SLC24A2: variants seen among roughly 807,000 people sequenced by gnomAD.
SLC24A2 encodes solute carrier family 24 member 2.
Under a neutral mutation model 62.0 loss-of-function variants are expected in SLC24A2, and 36 were observed. The ratio of observed to expected loss-of-function variants is 0.58; its 90% CI spans 0.44 to 0.77. The LOEUF (loss-of-function observed/expected upper bound fraction) is 0.77, where lower values mean the gene tolerates loss of function less well. Among genes scored for constraint, SLC24A2 ranks in the 30% least tolerant of loss-of-function variants. The probability of loss-of-function intolerance (pLI) is 0.00; values close to 1 mark genes in which losing one functional copy is unlikely to be tolerated. For missense variants in SLC24A2, 846 were observed against 817.9 expected, an observed-to-expected ratio of 1.03 and a Z score of -0.42; for synonymous variants, 358 against 294.0, an observed-to-expected ratio of 1.22 and a Z score of -2.23.
the SLC24A2 span, among the ~76,000 whole-genome samples, chr9:20,106,179 C>T: frequency 1.3e-5 from 2 of 152,210 alleles, no homozygotes; most frequent in Non-Finnish European, 2.9e-5. Flanking sequence ...AGACCAATAA[C>T]AGGATCTGAA....
the SLC24A2 span, among the ~76,000 whole-genome samples, chr9:20,145,901 A>G: frequency 6.7e-6 from 1 of 150,268 alleles, no homozygotes; most frequent in African/African-American, 2.4e-5. Flanking sequence ...TTGTTTTTAT[A>G]ATATAATTTG....
chr9:19,551,728 G>C (rs536685146), intron 7 of SLC24A2, among the ~76,000 whole-genome samples: 1 of 152,312 alleles, frequency 6.6e-6, no homozygotes, highest in African/African-American at 2.4e-5. Context: ...GCAGGCTCAG[G>C]TCAGCTGGCC....
chr9:20,193,803 T>C, the SLC24A2 span, among the ~76,000 whole-genome samples: 148 of 152,284 alleles, frequency 9.7e-4, no homozygotes, highest in African/African-American at 3.5e-3. Context: ...ATGACTTATC[T>C]ACAGAAGTCC....
At chr9:19,558,261 T>C (rs1835200977) in intron 7 of SLC24A2, among the ~76,000 whole-genome samples, 2 of 152,206 alleles carry the variant, frequency 1.3e-5, no homozygotes, top group Admixed American at 1.3e-4. Flanking sequence ...TCTTCTCTCC[T>C]TTAGCTTACT....
At chr9:20,219,582 G>A in the SLC24A2 span, among the ~76,000 whole-genome samples, 10 of 152,152 alleles carry the variant, frequency 6.6e-5, no homozygotes, top group African/African-American at 1.7e-4. Flanking sequence ...TAGTGCCTTC[G>A]TTGGTAGATT....
chr9:20,145,262 G>A, the SLC24A2 span, among the ~76,000 whole-genome samples: 1 of 151,998 alleles, frequency 6.6e-6, no homozygotes, highest in Non-Finnish European at 1.5e-5. Context: ...TTTAAAAGTG[G>A]GCTCGTTGCT....
At chr9:20,172,246 A>G in the SLC24A2 span, among the ~76,000 whole-genome samples, 4 of 152,000 alleles carry the variant, frequency 2.6e-5, no homozygotes, top group South Asian at 8.3e-4. Context: ...GCCTACATCA[A>G]AAAGTCTGAA....
the SLC24A2 span, among the ~76,000 whole-genome samples, chr9:20,047,570 A>T: frequency 2.8e-5 from 4 of 141,736 alleles, no homozygotes; most frequent in Non-Finnish European, 4.7e-5. Flanking sequence ...GCAATGGAAG[A>T]TGGCCCTCCA....
At chr9:20,233,501 G>T in the SLC24A2 span, among the ~76,000 whole-genome samples, 1 of 152,102 alleles carries the variant, frequency 6.6e-6, no homozygotes, top group East Asian at 1.9e-4. Context: ...TGTCTCTTTT[G>T]ATCTTTCTTG....
At chr9:19,830,721 G>A in the SLC24A2 span, among the ~76,000 whole-genome samples, 3 of 152,074 alleles carry the variant, frequency 2.0e-5, no homozygotes, top group Non-Finnish European at 4.4e-5. Context: ...TTCCCTAACT[G>A]GACATTGCAG....
the SLC24A2 span, among the ~76,000 whole-genome samples, chr9:20,028,775 G>A: frequency 4.6e-5 from 7 of 152,142 alleles, no homozygotes; most frequent in African/African-American, 1.7e-4. Context: ...TTGATTCCGG[G>A]CTTTGTAAAT....
At chr9:19,773,083 T>C (rs1165105229) in intron 2 of SLC24A2, among the ~76,000 whole-genome samples, 2 of 152,288 alleles carry the variant, frequency 1.3e-5, no homozygotes, top group Admixed American at 6.5e-5. Flanking sequence ...ATTATATAAA[T>C]TCATTTATGT....
the SLC24A2 span, among the ~76,000 whole-genome samples, chr9:20,210,792 C>T: frequency 6.6e-6 from 1 of 151,846 alleles, no homozygotes; most frequent in South Asian, 2.1e-4. Flanking sequence ...GTGTGAGCCA[C>T]CGCGCCCGGC....
chr9:20,299,670 C>A, the SLC24A2 span, among the ~76,000 whole-genome samples: 2 of 152,154 alleles, frequency 1.3e-5, no homozygotes, highest in East Asian at 1.9e-4. Flanking sequence ...TATTCCTTAC[C>A]CCCACTACTA....
the SLC24A2 span, among the ~76,000 whole-genome samples, chr9:19,797,129 G>A: frequency 6.6e-6 from 1 of 151,960 alleles, no homozygotes; most frequent in Admixed American, 6.6e-5. Flanking sequence ...TTCTATTACA[G>A]TTTCCCATTT....
chr9:19,735,302 A>G (rs1821472761), intron 2 of SLC24A2, among the ~76,000 whole-genome samples: 1 of 152,120 alleles, frequency 6.6e-6, no homozygotes, highest in South Asian at 2.1e-4. Flanking sequence ...CAAAACCACA[A>G]CGAGATACCA....
the SLC24A2 span, among the ~76,000 whole-genome samples, chr9:19,813,068 C>G: frequency 1.3e-5 from 2 of 152,152 alleles, no homozygotes; most frequent in Non-Finnish European, 2.9e-5. Flanking sequence ...AAAAGAGGAA[C>G]CAGCCACATG....
the SLC24A2 span, among the ~76,000 whole-genome samples, chr9:20,042,074 T>C: frequency 6.6e-6 from 1 of 152,216 alleles, no homozygotes; most frequent in African/African-American, 2.4e-5. Flanking sequence ...CTTCCTGGCC[T>C]GGCAAATGTG....
chr9:19,826,038 C>G, the SLC24A2 span, among the ~76,000 whole-genome samples: 1 of 151,984 alleles, frequency 6.6e-6, no homozygotes, highest in South Asian at 2.1e-4. Flanking sequence ...GACTATTCTC[C>G]TTGCTCAGGG....
Sources: allele counts gnomAD v4.1 joint callset (sites outside exome capture counted in the v4.1 genomes callset), GRCh38; gene constraint gnomAD v4.1.1; transcripts MANE v1.5; gene names NCBI Gene and HGNC (gene_info 2026-07-23, HGNC 2026-07-21).